TBX19: variants seen among roughly 807,000 people sequenced by gnomAD.
TBX19 encodes the protein T-box transcription factor TBX19.
TBX19 carries 33 observed loss-of-function variants against 40.9 expected under a neutral mutation model. The ratio of observed to expected loss-of-function variants is 0.81; its 90% CI spans 0.61 to 1.08. TBX19 has a LOEUF of 1.08. Ranked by LOEUF, TBX19 falls within the 50% of genes least tolerant of loss-of-function variation. The pLI, the probability that TBX19 is intolerant of heterozygous loss-of-function variation, is 0.00. For synonymous variants in TBX19, 220 were observed against 225.0 expected (o/e 0.98, Z 0.20); for missense variants, 494 against 574.0 (o/e 0.86, Z 1.42).
rs2102363102 is a variant in TBX19, at chr1:168,308,661, T to G, written c.917-81T>G. 2.6e-6 allele frequency: 4 copies of G among 1,559,310 alleles called. No homozygotes were observed. The East Asian group carries it at 9.0e-5, about 35-fold the overall frequency. On this transcript the variant is annotated intron_variant, in intron 6 of 7. Coordinates refer to ENST00000367821, the MANE Select transcript of TBX19 (RefSeq NM_005149.3). ...CTGTAGTGCAAGCCATGGTTATATT[T>G]TGCCCTAGGATAATGTCACTGGTCA...
intron 7 of TBX19, among the ~76,000 whole-genome samples, chr1:168,311,234 A>G (rs963547144): frequency 6.6e-6 from 1 of 152,130 alleles, no homozygotes; most frequent in Non-Finnish European, 1.5e-5. Flanking sequence ...TAAGTCATCC[A>G]TATATAAGTC....
At chr1:168,287,023 AT>A (rs1193795634) in intron 1 of TBX19, among the ~76,000 whole-genome samples, 1 of 152,248 alleles carries the variant, frequency 6.6e-6, no homozygotes, top group Non-Finnish European at 1.5e-5. Context: ...TCTTTGAAAC[AT>A]CAGGTACAGC....
In TBX19 at chr1:168,313,940, GAAA is replaced by G. The variant is rs1248343711; in HGVS notation, c.*939_*941del. The G allele has an allele frequency of 6.6e-5, 10 of 152,108 alleles. No homozygotes were observed. The highest frequency in any genetic ancestry group is 2.2e-4 in the African/African-American group (9 of 41,382). 9.4% of individuals were successfully genotyped at this position (152,108 alleles called of 1,614,324 possible). ...GAAAAAAAAGAAAGAAAGAAAGAAA[GAAA>G]GAAATCCTACTACGAGCGATCACAC... On this transcript the variant is annotated 3_prime_UTR_variant, in exon 8 of 8. Coordinates refer to ENST00000367821, the MANE Select transcript of TBX19 (RefSeq NM_005149.3).
intron 7 of TBX19, 34 bp downstream of exon 7, chr1:168,308,911 G>T: frequency 6.2e-7 from 1 of 1,613,928 alleles, no homozygotes; most frequent in Admixed American, 1.7e-5. Flanking sequence ...CTCATTGGTC[G>T]TCTTGGGGGT....
chr1:168,291,666 C>CG (rs376560824), intron 2 of TBX19, among the ~76,000 whole-genome samples: 32 of 152,202 alleles, frequency 2.1e-4, no homozygotes, highest in African/African-American at 7.2e-4. Context: ...ACTTAATCAC[C>CG]GGGGCCCTTT....
chr1:168,285,812 T>C (rs1190416880), intron 1 of TBX19, among the ~76,000 whole-genome samples: 1 of 152,222 alleles, frequency 6.6e-6, no homozygotes, highest in Non-Finnish European at 1.5e-5. Flanking sequence ...GTGCAGTTAA[T>C]TCCTGAAAAT....
At chr1:168,293,409 C>A in intron 3 of TBX19, 131 bp downstream of exon 3, 2 of 1,205,582 alleles carry the variant, frequency 1.7e-6, no homozygotes, top group Admixed American at 2.0e-5. Flanking sequence ...TTTGGATACA[C>A]TCAGCAGACA....
intron 1 of TBX19, among the ~76,000 whole-genome samples, chr1:168,287,791 C>A (rs116598672): frequency 7.9e-5 from 12 of 151,996 alleles, no homozygotes; most frequent in African/African-American, 2.4e-4. Context: ...GCAAATAAAT[C>A]TCTAAGTAGG....
chr1:168,293,436 A>C (rs867638880), intron 3 of TBX19, among the ~76,000 whole-genome samples, 158 bp downstream of exon 3: 5 of 151,964 alleles, frequency 3.3e-5, no homozygotes, highest in East Asian at 1.9e-4. Context: ...TAAACAATGG[A>C]GTAGCTGCTC....
chr1:168,290,055 G>A (rs780639996), intron 1 of TBX19, among the ~76,000 whole-genome samples: 4 of 152,056 alleles, frequency 2.6e-5, no homozygotes, highest in Non-Finnish European at 4.4e-5. Flanking sequence ...TTAGCCAGGC[G>A]TGGTGGCACA....
chr1:168,308,194 G>C (rs1237506337), intron 6 of TBX19: 1 of 156,016 alleles, frequency 6.4e-6, no homozygotes, highest in African/African-American at 2.4e-5. Flanking sequence ...GTTGCCCAGA[G>C]AGGTCTCAAA....
At position 168,308,795 on chromosome 1, in the gene TBX19, A is replaced by G. The variant is rs1475422973; in HGVS notation, c.970A>G (p.Ser324Gly). ...NNLQVFSGPD[S>G]WTSLSSTPHA... ...TCTGCAAGTTTTCTCGGGACCTGAC[A>G]GCTGGACTTCCTTATCCTCCACACC... The change falls in exon 7 of 8, where the codon AGC becomes GGC. Residue 324 changes from serine to glycine, a missense_variant. Physicochemically the swap from Ser to Gly is moderately conservative, Grantham distance 56. Transcript: ENST00000367821. 4.3e-6 allele frequency: 7 copies of G among 1,613,984 alleles called. No homozygotes were observed. In the East Asian group the frequency reaches 1.3e-4, roughly 31 times the overall value.
At chr1:168,283,373 C>T (rs144520967) in intron 1 of TBX19, among the ~76,000 whole-genome samples, 523 of 152,046 alleles carry the variant, frequency 3.4e-3, no homozygotes, top group Non-Finnish European at 6.2e-3. Flanking sequence ...AAGATTTTGC[C>T]AGGAGATAGA....
intron 3 of TBX19, among the ~76,000 whole-genome samples, chr1:168,295,027 T>C (rs1649066495): frequency 6.6e-6 from 1 of 152,134 alleles, no homozygotes; most frequent in Admixed American, 6.5e-5. Context: ...ACGTGGTGGC[T>C]CACGTCTCTA....
chr1:168,308,734 T>TC lies in TBX19; in HGVS notation c.917-4dup. 1 of 1,614,114 alleles carries TC rather than the reference T, an allele frequency of 6.2e-7. No homozygotes were observed. The highest frequency in any genetic ancestry group is 1.1e-5 in the South Asian group (1 of 91,076). On this transcript the variant is annotated splice_region_variant and splice_polypyrimidine_tract_variant and intron_variant, in intron 6 of 7. Transcript: ENST00000367821. ...TGCTATCAATTCAACTGTTGTTATTTCCCCAAGTGAATTTGATAGAAAGCT... is the reference window on the plus strand; with the variant it reads ...TGCTATCAATTCAACTGTTGTTATTTCCCCCAAGTGAATTTGATAGAAAGCT...
chr1:168,292,578 T>C (rs2102354166), intron 2 of TBX19, among the ~76,000 whole-genome samples: 1 of 152,254 alleles, frequency 6.6e-6, no homozygotes, highest in African/African-American at 2.4e-5. Context: ...TAAGAATAAC[T>C]CCTCAGCCGG....
At chr1:168,286,896 G>T (rs1216632698) in intron 1 of TBX19, among the ~76,000 whole-genome samples, 1 of 152,142 alleles carries the variant, frequency 6.6e-6, no homozygotes, top group African/African-American at 2.4e-5. Flanking sequence ...GCTTTTTATT[G>T]TCTGCTTTTC....
intron 1 of TBX19, among the ~76,000 whole-genome samples, chr1:168,289,175 A>G (rs1404275447): frequency 3.3e-5 from 5 of 152,214 alleles, no homozygotes; most frequent in Non-Finnish European, 7.3e-5. Flanking sequence ...ATAACCCTAT[A>G]TGATCCCTAG....
At chr1:168,289,512 C>T (rs545695226) in intron 1 of TBX19, among the ~76,000 whole-genome samples, 9 of 152,230 alleles carry the variant, frequency 5.9e-5, no homozygotes, top group East Asian at 5.8e-4. Context: ...CAGTTCTCAG[C>T]GAAGACCTGG....
Sources: allele counts gnomAD v4.1 joint callset (sites outside exome capture counted in the v4.1 genomes callset), GRCh38; gene constraint gnomAD v4.1.1; transcripts MANE v1.5; gene names NCBI Gene and HGNC (gene_info 2026-07-23, HGNC 2026-07-21).